The following NLGN1 variants were observed in gnomAD, a reference collection of about 807,000 sequenced individuals.
NLGN1 encodes neuroligin-1.
In NLGN1, 12 loss-of-function variants were observed where a neutral mutation model predicts 65.5. That is an observed-to-expected ratio of 0.18 (90% CI 0.12 to 0.30). The LOEUF (loss-of-function observed/expected upper bound fraction) is 0.30, where lower values mean the gene tolerates loss of function less well. Among genes scored for constraint, NLGN1 ranks in the 10% least tolerant of loss-of-function variants. The probability of loss-of-function intolerance (pLI) is 1.00; values close to 1 mark genes in which losing one functional copy is unlikely to be tolerated. For missense variants in NLGN1, 750 were observed against 1,007.1 expected, an observed-to-expected ratio of 0.74 and a Z score of 3.46; for synonymous variants, 350 against 359.5, an observed-to-expected ratio of 0.97 and a Z score of 0.30.
chr3:174,031,697 A>G (rs1205665697), intron 4 of NLGN1, among the ~76,000 whole-genome samples: 2 of 152,162 alleles, frequency 1.3e-5, no homozygotes, highest in Admixed American at 1.3e-4. Context: ...GAAATATCTC[A>G]GAAAGAACAG....
At chr3:174,022,118 T>C (rs1344081783) in intron 4 of NLGN1, among the ~76,000 whole-genome samples, 1 of 152,164 alleles carries the variant, frequency 6.6e-6, no homozygotes, top group Non-Finnish European at 1.5e-5. Context: ...ATTATCTCTC[T>C]GGGTTTCTTG....
intron 2 of NLGN1, among the ~76,000 whole-genome samples, chr3:173,491,210 A>T (rs1311105578): frequency 6.6e-6 from 1 of 151,848 alleles, no homozygotes; most frequent in African/African-American, 2.4e-5. Flanking sequence ...TTGTCCATTC[A>T]GTATGATATT....
intron 3 of NLGN1, among the ~76,000 whole-genome samples, chr3:173,652,746 A>G (rs779850175): frequency 2.0e-5 from 3 of 152,138 alleles, no homozygotes; most frequent in Non-Finnish European, 4.4e-5. Context: ...TTGGTTCCGT[A>G]TACATTTTAG....
chr3:173,892,058 G>T (rs995264118), intron 4 of NLGN1, among the ~76,000 whole-genome samples: 1 of 152,102 alleles, frequency 6.6e-6, no homozygotes, highest in Non-Finnish European at 1.5e-5. Flanking sequence ...TCATTGAAAT[G>T]GTTTTGTGTA....
intron 4 of NLGN1, among the ~76,000 whole-genome samples, chr3:173,948,996 G>C (rs1279250009): frequency 6.6e-6 from 1 of 151,826 alleles, no homozygotes; most frequent in Admixed American, 6.6e-5. Context: ...AAAAAAGTTT[G>C]CCCTATTTGC....
chr3:173,587,128 G>A (rs981810701), intron 2 of NLGN1, among the ~76,000 whole-genome samples: 1 of 152,164 alleles, frequency 6.6e-6, no homozygotes, highest in South Asian at 2.1e-4. Flanking sequence ...TAAATCAGTA[G>A]TCATTGCATG....
chr3:173,911,632 A>G (rs1392648086), intron 4 of NLGN1, among the ~76,000 whole-genome samples: 2 of 152,182 alleles, frequency 1.3e-5, no homozygotes, highest in Non-Finnish European at 2.9e-5. Flanking sequence ...GATGGCAACA[A>G]TAGTTCTTGG....
At chr3:173,719,405 AG>A (rs1388318528) in intron 3 of NLGN1, among the ~76,000 whole-genome samples, 1 of 152,088 alleles carries the variant, frequency 6.6e-6, no homozygotes, top group Non-Finnish European at 1.5e-5. Context: ...TTTAAACAAA[AG>A]TGACCGTCCC....
chr3:173,556,603 C>G lies in NLGN1; in HGVS notation c.-320-47676C>G, dbSNP rs949952231. Among the ~76,000 whole-genome samples the G allele has an allele frequency of 6.4e-4, 97 of 152,018 alleles. 5 individuals are homozygous for G. The highest frequency in any genetic ancestry group is 5.9e-5 in the Non-Finnish European group (4 of 67,992). On this transcript the variant is annotated intron_variant, in intron 2 of 6. Transcript: ENST00000457714. ...GCTGAAGCAGGAGGATCATTTGAGC[C>G]TATTCAAGACCAGCTTGGGCAATAT...
At chr3:174,235,271 A>G (rs948556694) in intron 4 of NLGN1, among the ~76,000 whole-genome samples, 1 of 151,996 alleles carries the variant, frequency 6.6e-6, no homozygotes, top group African/African-American at 2.4e-5. Context: ...CCTCCTTCAT[A>G]TACACCAAGT....
intron 2 of NLGN1, among the ~76,000 whole-genome samples, chr3:173,482,245 A>AT (rs1560315645): frequency 6.6e-6 from 1 of 151,896 alleles, no homozygotes; most frequent in Non-Finnish European, 1.5e-5. Context: ...GTATGTCTAC[A>AT]TTTTTTATAA....
chr3:173,456,691 T>C (rs1722565325), intron 2 of NLGN1, among the ~76,000 whole-genome samples: 1 of 151,846 alleles, frequency 6.6e-6, no homozygotes, highest in Non-Finnish European at 1.5e-5. Flanking sequence ...ATCACCCAGG[T>C]AATAGTAACA....
chr3:173,702,345 A>C (rs915202566), intron 3 of NLGN1, among the ~76,000 whole-genome samples: 2 of 152,190 alleles, frequency 1.3e-5, no homozygotes, highest in Non-Finnish European at 2.9e-5. Flanking sequence ...CACGACAAGA[A>C]TTTATGTATG....
At position 173,748,087 on chromosome 3, in the gene NLGN1, A is replaced by G. The variant is rs557166178; in HGVS notation, c.494-59593A>G. ...AGTGCTGGGACTATAGGCATGAGCCACCACACCTGGCCTGAAAACATATAT... is the reference window on the plus strand; with the variant it reads ...AGTGCTGGGACTATAGGCATGAGCCGCCACACCTGGCCTGAAAACATATAT... On this transcript the variant is annotated intron_variant, in intron 3 of 6. Coordinates refer to ENST00000457714, the Ensembl canonical transcript of NLGN1. Among the ~76,000 whole-genome samples, 528 of 151,862 alleles carry G rather than the reference A, an allele frequency of 3.5e-3. 1 individual carries two copies. The highest frequency in any genetic ancestry group is 5.2e-3 in the Non-Finnish European group (354 of 67,938).
At chr3:174,005,854 G>A (rs1398061524) in intron 4 of NLGN1, among the ~76,000 whole-genome samples, 3 of 151,992 alleles carry the variant, frequency 2.0e-5, no homozygotes, top group Admixed American at 6.6e-5. Context: ...TGTTTTTCCC[G>A]TCTGTATGAT....
At chr3:174,212,116 C>A (rs977026911) in intron 4 of NLGN1, among the ~76,000 whole-genome samples, 3 of 152,202 alleles carry the variant, frequency 2.0e-5, no homozygotes, top group African/African-American at 7.2e-5. Context: ...AGCCCTGCCC[C>A]GCGGGAGGGC....
chr3:173,724,001 C>T (rs1270844740), intron 3 of NLGN1, among the ~76,000 whole-genome samples: 1 of 152,160 alleles, frequency 6.6e-6, no homozygotes, highest in Non-Finnish European at 1.5e-5. Context: ...GAATAACTCT[C>T]AAGTTTTTAG....
chr3:174,042,487 C>A (rs2152491046), intron 4 of NLGN1, among the ~76,000 whole-genome samples: 1 of 152,228 alleles, frequency 6.6e-6, no homozygotes, highest in African/African-American at 2.4e-5. Context: ...TATTGCATTG[C>A]TTTGCCTTTT....
At chr3:173,475,397 T>C (rs1321305048) in intron 2 of NLGN1, among the ~76,000 whole-genome samples, 3 of 152,196 alleles carry the variant, frequency 2.0e-5, no homozygotes, top group African/African-American at 7.2e-5. Flanking sequence ...ATATATTCAC[T>C]ATTTAGCATC....
Sources: allele counts gnomAD v4.1 joint callset (sites outside exome capture counted in the v4.1 genomes callset), GRCh38; gene constraint gnomAD v4.1.1; transcripts MANE v1.5; gene names NCBI Gene and HGNC (gene_info 2026-07-23, HGNC 2026-07-21).